The following LIMA1 variants were observed in gnomAD, a reference collection of about 807,000 sequenced individuals.
LIMA1 encodes LIM domain and actin-binding protein 1.
In LIMA1, 52 loss-of-function variants were observed where a neutral mutation model predicts 62.6. The observed-to-expected ratio is 0.83, with a 90% CI of 0.67 to 1.05. The LOEUF is 1.05. Among genes scored for constraint, LIMA1 ranks in the 50% least tolerant of loss-of-function variants. LIMA1 has a pLI of 0.00. For missense variants in LIMA1, 780 were observed against 902.2 expected (o/e 0.86, Z 1.74); for synonymous variants, 302 against 317.8 (o/e 0.95, Z 0.53).
intron 2 of LIMA1, among the ~76,000 whole-genome samples, chr12:50,236,875 C>T (rs1203227799): frequency 2.0e-5 from 3 of 151,822 alleles, no homozygotes; most frequent in Admixed American, 2.0e-4. Flanking sequence ...GTCAGGAGTT[C>T]GAGGCTGCCG....
intron 1 of LIMA1, among the ~76,000 whole-genome samples, chr12:50,255,826 T>C (rs973737161): frequency 1.5e-4 from 23 of 152,054 alleles, no homozygotes; most frequent in Non-Finnish European, 3.1e-4. Context: ...CATTTCTAAA[T>C]TTATATTTCT....
intron 2 of LIMA1, among the ~76,000 whole-genome samples, chr12:50,237,292 G>A (rs1941709995): frequency 1.3e-5 from 2 of 152,198 alleles, no homozygotes; most frequent in African/African-American, 4.8e-5. Context: ...AGGGAAGGTG[G>A]TAGTGATTGT....
At chr12:50,239,166 G>A (rs1245916630) in intron 2 of LIMA1, among the ~76,000 whole-genome samples, 1 of 151,912 alleles carries the variant, frequency 6.6e-6, no homozygotes, top group Non-Finnish European at 1.5e-5. Context: ...ACTAAAAACA[G>A]AAGCACACAA....
intron 1 of LIMA1, among the ~76,000 whole-genome samples, chr12:50,258,296 CTT>C (rs1491171275): frequency 3.2e-5 from 4 of 125,552 alleles, no homozygotes; most frequent in Non-Finnish European, 6.7e-5. Context: ...ATACACACTG[CTT>C]TTTGTGTGTG....
intron 4 of LIMA1, among the ~76,000 whole-genome samples, chr12:50,207,232 A>AT (rs1212728958): frequency 6.6e-6 from 1 of 151,922 alleles, no homozygotes; most frequent in Non-Finnish European, 1.5e-5. Flanking sequence ...GCCAACAAAG[A>AT]TTTTTTTTAA....
rs1029410917 is a variant in LIMA1 at position 50,178,178 on chromosome 12, A to G, written c.1275-109T>C. On this transcript the variant is annotated intron_variant, in intron 10 of 10. Coordinates refer to ENST00000341247, the MANE Select transcript of LIMA1 (RefSeq NM_016357.5). ...GTATTTTCAGAAGATGCCAAGTAAG[A>G]AAAAGATCTTTAAAAGCCCTTCAGT... 4.9e-6 allele frequency: 4 copies of G among 821,950 alleles called. No individual in the cohort carries two copies. In the African/African-American group the frequency reaches 7.1e-5, roughly 15 times the overall value. The allele number at this position is 821,950 out of a possible 1,614,324, so 50.9% of individuals were successfully genotyped here. A position where few individuals can be genotyped will look rare whatever the true frequency, so the allele number is the denominator to read the frequency against.
At chr12:50,195,473 T>C (rs1278695225) in intron 8 of LIMA1, 2 of 169,354 alleles carry the variant, frequency 1.2e-5, no homozygotes, top group East Asian at 1.6e-4. Flanking sequence ...AATAGGTATT[T>C]ATGAATAACA....
chr12:50,282,255 A>T (rs755724754), intron 1 of LIMA1, among the ~76,000 whole-genome samples: 16 of 152,220 alleles, frequency 1.1e-4, no homozygotes, highest in Non-Finnish European at 1.9e-4. Flanking sequence ...ATACCTCAGA[A>T]GAAAGGATTG....
At position 50,273,033 on chromosome 12, in the gene LIMA1, G is replaced by C. The variant is rs914333493; in HGVS notation, c.-24+10387C>G. 2.7e-5 allele frequency among the ~76,000 whole-genome samples: 4 copies of C among 148,342 alleles called. No individual in the cohort carries two copies. The Admixed American group carries it at 2.7e-4, about 10-fold the overall frequency. ...CCACTGCACTCTAGCCTGGACAACAGAGCAAGACTCTGTCTCAAAAAAAAA... is the reference window on the plus strand; with the variant it reads ...CCACTGCACTCTAGCCTGGACAACACAGCAAGACTCTGTCTCAAAAAAAAA... On this transcript the variant is annotated intron_variant, in intron 1 of 10. Coordinates refer to ENST00000341247, the MANE Select transcript of LIMA1 (RefSeq NM_016357.5).
chr12:50,243,913 ATAT>A (rs1335524229), intron 2 of LIMA1, among the ~76,000 whole-genome samples: 1 of 151,718 alleles, frequency 6.6e-6, no homozygotes, highest in Non-Finnish European at 1.5e-5. Flanking sequence ...TATATTTTAT[ATAT>A]TTCTTTTTTT....
At chr12:50,224,895 C>CTTTTTTTT (rs1565848543) in intron 3 of LIMA1, among the ~76,000 whole-genome samples, 1 of 142,704 alleles carries the variant, frequency 7.0e-6, no homozygotes, top group African/African-American at 2.7e-5. Context: ...GCATGCCTGG[C>CTTTTTTTT]ATTTTTTTTT....
chr12:50,181,247 A>G (rs1940495943), intron 10 of LIMA1, among the ~76,000 whole-genome samples: 1 of 152,176 alleles, frequency 6.6e-6, no homozygotes, highest in African/African-American at 2.4e-5. Flanking sequence ...AGAGCTATCT[A>G]ATAGCTAGAA....
chr12:50,234,696 G>C (rs1941662945), intron 2 of LIMA1, among the ~76,000 whole-genome samples: 2 of 152,044 alleles, frequency 1.3e-5, no homozygotes, highest in African/African-American at 4.8e-5. Flanking sequence ...GGCATTTGGA[G>C]TAGGAGGTAA....
At chr12:50,267,163 G>T (rs972064166) in intron 1 of LIMA1, among the ~76,000 whole-genome samples, 1 of 152,030 alleles carries the variant, frequency 6.6e-6, no homozygotes, top group Admixed American at 6.6e-5. Flanking sequence ...TCCATCTCCC[G>T]GGTTCACGCC....
intron 3 of LIMA1, among the ~76,000 whole-genome samples, chr12:50,223,308 C>A (rs1221377780): frequency 6.6e-6 from 1 of 151,756 alleles, no homozygotes; most frequent in South Asian, 2.1e-4. Context: ...CATGGAGAAA[C>A]CCTGTCTCTA....
intron 3 of LIMA1, among the ~76,000 whole-genome samples, chr12:50,228,609 T>C (rs1266874249): frequency 6.6e-6 from 1 of 152,230 alleles, no homozygotes; most frequent in Non-Finnish European, 1.5e-5. Flanking sequence ...GCTTATATCA[T>C]GCACCTCATA....
chr12:50,227,651 T>A (rs963405552), intron 3 of LIMA1, among the ~76,000 whole-genome samples: 4 of 152,144 alleles, frequency 2.6e-5, no homozygotes, highest in Admixed American at 2.0e-4. Context: ...CTTCATGCTG[T>A]GCGTGTGCTG....
intron 2 of LIMA1, among the ~76,000 whole-genome samples, chr12:50,244,151 T>C (rs1024243652): frequency 6.6e-6 from 1 of 152,126 alleles, no homozygotes; most frequent in African/African-American, 2.4e-5. Context: ...CAGGCTGGAG[T>C]GCAGTGGCGT....
At chr12:50,257,055 G>C (rs1469548826) in intron 1 of LIMA1, among the ~76,000 whole-genome samples, 1 of 152,094 alleles carries the variant, frequency 6.6e-6, no homozygotes, top group African/African-American at 2.4e-5. Flanking sequence ...AATATTATGA[G>C]GGAGAACTTT....
Sources: allele counts gnomAD v4.1 joint callset (sites outside exome capture counted in the v4.1 genomes callset), GRCh38; gene constraint gnomAD v4.1.1; transcripts MANE v1.5; gene names NCBI Gene and HGNC (gene_info 2026-07-23, HGNC 2026-07-21).